Variants in RNH1 observed in about 807,000 individuals in gnomAD.
RNH1 encodes the protein ribonuclease inhibitor.
RNH1 carries 38 observed loss-of-function variants against 46.1 expected under a neutral mutation model. The observed-to-expected ratio is 0.82, with a 90% CI of 0.64 to 1.08. RNH1 has a LOEUF of 1.08. Among genes scored for constraint, RNH1 ranks in the 50% least tolerant of loss-of-function variants. The pLI, the probability that RNH1 is intolerant of heterozygous loss-of-function variation, is 0.00. For synonymous variants in RNH1, 319 were observed against 279.1 expected (o/e 1.14, Z -1.43); for missense variants, 577 against 590.7 (o/e 0.98, Z 0.24).
At chr11:499,618 G>A (rs912258360) in intron 5 of RNH1, 2 of 730,766 alleles carry the variant, frequency 2.7e-6, no homozygotes, top group Admixed American at 4.0e-5. Context: ...GGGAGGGAGG[G>A]TGATGACAGA....
chr11:500,255 C>A (rs904189771), intron 4 of RNH1: 2 of 665,692 alleles, frequency 3.0e-6, no homozygotes, highest in Admixed American at 5.9e-5. Flanking sequence ...CTAGGGATGG[C>A]GGGCAGGGCC....
At chr11:497,421 G>A (rs1291519836) in intron 9 of RNH1, among the ~76,000 whole-genome samples, 5 of 113,584 alleles carry the variant, frequency 4.4e-5, no homozygotes, top group Admixed American at 9.8e-5. Flanking sequence ...GCTCACACAC[G>A]GACACTCATG....
At chr11:500,957 C>T (rs184129435) in intron 3 of RNH1, 18 of 444,104 alleles carry the variant, frequency 4.1e-5, no homozygotes, top group East Asian at 3.9e-4. Flanking sequence ...GGAGAAACCC[C>T]GTCTTTACTA....
intron 4 of RNH1, 160 bp from the exon 5 acceptor site, chr11:500,159 G>T: frequency 1.2e-6 from 1 of 847,852 alleles, no homozygotes; most frequent in Non-Finnish European, 1.8e-6. Context: ...CAGGCCGAGT[G>T]AAGGAGGGCA....
In RNH1 at chr11:500,855, G is replaced by A. The variant is rs965342976; in HGVS notation, c.102-201C>T. 2.9e-5 allele frequency: 21 copies of A among 717,858 alleles called. 1 individual carries two copies. Among genetic ancestry groups the A allele is most frequent in the African/African-American group, 1.2e-4 (7 of 57,660 alleles). 44.5% of individuals were successfully genotyped at this position (717,858 alleles called of 1,614,324 possible). On this transcript the variant is annotated intron_variant, in intron 3 of 10. Coordinates refer to ENST00000354420, the MANE Select transcript of RNH1 (RefSeq NM_203387.3). Reference sequence around the variant, plus strand: ...TTAAGATGCTCGCACGTGGCCAGGCGCGGTGGCTCACGCCTGTAATCCCAG... The same window carrying A: ...TTAAGATGCTCGCACGTGGCCAGGCACGGTGGCTCACGCCTGTAATCCCAG...
At chr11:498,270 C>G in intron 8 of RNH1, 129 bp from the exon 9 acceptor site, 1 of 1,258,986 alleles carries the variant, frequency 7.9e-7, no homozygotes, top group Non-Finnish European at 1.1e-6. Context: ...CAAGTGGGCA[C>G]CTACACCTGG....
intron 8 of RNH1, 72 bp downstream of exon 8, chr11:498,385 C>T (rs1274689329): frequency 2.6e-6 from 4 of 1,566,954 alleles, no homozygotes; most frequent in Middle Eastern, 3.5e-4. Flanking sequence ...GTCGCTCACT[C>T]CTCCCCTGGT....
Position 498,952 on chromosome 11 carries a change from C to A in RNH1, c.615-19G>T, listed in dbSNP as rs569817969. On this transcript the variant is annotated intron_variant, in intron 6 of 10. Coordinates refer to ENST00000354420, the MANE Select transcript of RNH1 (RefSeq NM_203387.3). ...CTCCAGCCTGGGGACACGGGTCACACGTGAGGCAGCACGGGACCCCCCCTA... is the reference window on the plus strand; with the variant it reads ...CTCCAGCCTGGGGACACGGGTCACAAGTGAGGCAGCACGGGACCCCCCCTA... The A allele has an allele frequency of 5.6e-6, 9 of 1,611,972 alleles. No individual in the cohort carries two copies. Among genetic ancestry groups the A allele is most frequent in the South Asian group, 3.3e-5 (3 of 91,018 alleles).
chr11:499,781 G>A (rs768036892), intron 5 of RNH1, 48 bp downstream of exon 5: 3 of 1,579,208 alleles, frequency 1.9e-6, no homozygotes, highest in Non-Finnish European at 1.7e-6. Context: ...GGCTGGCTGG[G>A]GGACAGGCAG....
chr11:498,668 C>T (rs376508835), intron 7 of RNH1, 41 bp from the exon 8 acceptor site: 91 of 1,607,002 alleles, frequency 5.7e-5, no homozygotes, highest in South Asian at 2.3e-4. Flanking sequence ...TCAGCACCGT[C>T]TCATGGCCTG....
chr11:505,617 G>T (rs1428236908), intron 1 of RNH1: 1 of 152,210 alleles, frequency 6.6e-6, no homozygotes, highest in African/African-American at 2.4e-5. Flanking sequence ...TTATAGCAGG[G>T]ATGAGAAAAT....
chr11:498,347 C>T lies in RNH1; in HGVS notation c.956+110G>A, dbSNP rs370831864. On this transcript the variant is annotated intron_variant, in intron 8 of 10. Coordinates refer to ENST00000354420, the MANE Select transcript of RNH1 (RefSeq NM_203387.3). Reference sequence around the variant, plus strand: ...TCCCTGGCCTATGCATTCTGAAGGTCGGAGCTGAGCCCAGCAGCTTCCCTG... The same window carrying T: ...TCCCTGGCCTATGCATTCTGAAGGTTGGAGCTGAGCCCAGCAGCTTCCCTG... 59 of 1,433,290 alleles carry T rather than the reference C, an allele frequency of 4.1e-5. No individual in the cohort carries two copies. The East Asian group carries it at 6.1e-4, about 15-fold the overall frequency. The allele number at this position is 1,433,290 out of a possible 1,614,324, so 88.8% of individuals were successfully genotyped here.
rs1253973211 is a variant in RNH1, at chr11:502,231, G to A, written c.-69C>T. The A allele has an allele frequency of 1.6e-6, 2 of 1,248,378 alleles. No homozygotes were observed. Among genetic ancestry groups the A allele is most frequent in the Non-Finnish European group, 1.1e-6 (1 of 873,244 alleles). 77.3% of individuals were successfully genotyped at this position (1,248,378 alleles called of 1,614,324 possible). A position where few individuals can be genotyped will look rare whatever the true frequency, so the allele number is the denominator to read the frequency against. ...GACGTCTTGGCCGAATCCCCTCACAGTTTCACAGGCCGGAGATTCTGCAAA... is the reference window on the plus strand; with the variant it reads ...GACGTCTTGGCCGAATCCCCTCACAATTTCACAGGCCGGAGATTCTGCAAA... On this transcript the variant is annotated 5_prime_UTR_variant, in exon 3 of 11. Coordinates refer to ENST00000354420, the MANE Select transcript of RNH1 (RefSeq NM_203387.3). The surrounding 1 kb of genome is among the most constrained non-coding windows in gnomAD (Gnocchi z 5.8).
intron 4 of RNH1, chr11:500,201 T>G: frequency 1.5e-6 from 1 of 684,760 alleles, no homozygotes. Flanking sequence ...AAACCTTGTC[T>G]GCAGACACAC....
chr11:498,616 C>T lies in RNH1; in HGVS notation c.797G>A (p.Cys266Tyr). The T allele has an allele frequency of 6.2e-7, 1 of 1,612,436 alleles. No individual in the cohort carries two copies. The highest frequency in any genetic ancestry group is 1.1e-5 in the South Asian group (1 of 91,090). ...SRLRTLWIWE[C>Y]GITAKGCGDL... is the part of the protein sequence containing the mutation. ...CCCGCAGCCCTTGGCAGTGATGCCA[C>T]ACTCCCAGATCCTGCAGGACATGGA... The change falls in exon 8 of 11, where the codon TGT becomes TAT. Residue 266 changes from cysteine to tyrosine, a missense_variant. Cys to Tyr is a radical substitution (Grantham distance 194). Transcript: ENST00000354420.
At chr11:495,088 C>T (rs774015405) in intron 9 of RNH1, 35 bp from the exon 10 acceptor site, 9 of 1,586,258 alleles carry the variant, frequency 5.7e-6, no homozygotes, top group East Asian at 2.3e-5. Context: ...GGGTGCCGGG[C>T]GTGCCTGGCA....
chr11:496,787 TAGAA>T (rs1372222839), intron 9 of RNH1, among the ~76,000 whole-genome samples: 5 of 152,248 alleles, frequency 3.3e-5, no homozygotes, highest in South Asian at 2.1e-4. Context: ...AACCTTTTCT[TAGAA>T]AGCTGCAAAA....
intron 9 of RNH1, 121 bp downstream of exon 9, chr11:497,850 G>A (rs1849314350): frequency 8.1e-7 from 1 of 1,234,132 alleles, no homozygotes; most frequent in East Asian, 2.4e-5. Context: ...CCTCACCCAT[G>A]TGTGCTCACA....
In RNH1 at chr11:502,030, G is replaced by C. The variant is rs764345320; in HGVS notation, c.101+32C>G. On this transcript the variant is annotated intron_variant, in intron 3 of 10. Coordinates refer to ENST00000354420, the MANE Select transcript of RNH1 (RefSeq NM_203387.3). The surrounding 1 kb of genome is among the most constrained non-coding windows in gnomAD (Gnocchi z 5.8). ...CGCCACCCGCCAGCCTGCCCCACCA[G>C]CACCCCAAGGCCACCCCGAGAGCAA... is the stretch of plus-strand genomic sequence containing the variant. 1.3e-6 allele frequency: 2 copies of C among 1,550,926 alleles called. No individual in the cohort carries two copies. Among genetic ancestry groups the C allele is most frequent in the Non-Finnish European group, 1.8e-6 (2 of 1,133,720 alleles).
Sources: gnomAD v4.1 joint callset for allele counts (sites outside exome capture counted in the v4.1 genomes callset) on GRCh38, gnomAD v4.1.1 for gene constraint, Gnocchi (gnomAD v3.1) non-coding constraint, MANE v1.5 for transcripts, NCBI Gene and HGNC (gene_info 2026-07-23, HGNC 2026-07-21) for gene names.